Variants in ASIC2 observed in about 807,000 individuals in gnomAD.
ASIC2 encodes acid sensing ion channel subunit 2.
A neutral mutation model predicts 57.3 loss-of-function variants in ASIC2; 25 were observed. The ratio of observed to expected loss-of-function variants is 0.44; its 90% CI spans 0.32 to 0.61. The LOEUF (loss-of-function observed/expected upper bound fraction) is 0.61. Among genes scored for constraint, ASIC2 ranks in the 20% least tolerant of loss-of-function variants. The pLI, the probability that ASIC2 is intolerant of heterozygous loss-of-function variation, is 0.06. For synonymous variants in ASIC2, 319 were observed against 307.5 expected (o/e 1.04, Z -0.39); for missense variants, 641 against 738.1 (o/e 0.87, Z 1.52).
In ASIC2 at chr17:33,206,341, T is replaced by A. The variant is rs114262091; in HGVS notation, c.708+85067A>T. On this transcript the variant is annotated intron_variant, in intron 1 of 9. Coordinates refer to ENST00000225823, the MANE Select transcript of ASIC2 (RefSeq NM_183377.2). ...GAAGGCCACCACTTGTTGGCTGCTCTGCATTCATGATCCTTTTCAGTCTTC... is the reference window on the plus strand; with the variant it reads ...GAAGGCCACCACTTGTTGGCTGCTCAGCATTCATGATCCTTTTCAGTCTTC... 9.9e-3 allele frequency among the ~76,000 whole-genome samples: 1,503 copies of A among 152,264 alleles called. 24 individuals are homozygous for A. Among genetic ancestry groups the A allele is most frequent in the African/African-American group, 0.034 (1,426 of 41,550 alleles).
chr17:33,125,058 A>G (rs1476907083), intron 1 of ASIC2, among the ~76,000 whole-genome samples: 1 of 152,186 alleles, frequency 6.6e-6, no homozygotes, highest in African/African-American at 2.4e-5. Flanking sequence ...GTAAACACAG[A>G]TGAAGCTTGG....
intron 3 of ASIC2, among the ~76,000 whole-genome samples, chr17:33,045,786 C>G (rs2091951946): frequency 6.6e-6 from 1 of 152,182 alleles, no homozygotes; most frequent in South Asian, 2.1e-4. Flanking sequence ...TCCCCACACG[C>G]CTTCTCCTCC....
chr17:33,019,131 G>A (rs2091823161), intron 7 of ASIC2, among the ~76,000 whole-genome samples: 1 of 152,184 alleles, frequency 6.6e-6, no homozygotes, highest in African/African-American at 2.4e-5. Flanking sequence ...GTCGGGGGAG[G>A]TGTGTGATGT....
At chr17:33,457,740 C>G (rs532226061) in intron 1 of ASIC2, among the ~76,000 whole-genome samples, 1 of 152,284 alleles carries the variant, frequency 6.6e-6, no homozygotes, top group Admixed American at 6.5e-5. Flanking sequence ...CAGGTGCTGG[C>G]CAAGGGCTTT....
intron 1 of ASIC2, among the ~76,000 whole-genome samples, chr17:33,142,982 C>T (rs1239679364): frequency 6.6e-6 from 1 of 152,130 alleles, no homozygotes; most frequent in African/African-American, 2.4e-5. Flanking sequence ...CTACCTTCTT[C>T]CACATATAAA....
At chr17:33,121,646 T>C (rs2092302644) in intron 1 of ASIC2, among the ~76,000 whole-genome samples, 1 of 152,174 alleles carries the variant, frequency 6.6e-6, no homozygotes, top group Admixed American at 6.5e-5. Flanking sequence ...TCCAGCTGTC[T>C]TCCACACTGG....
intron 2 of ASIC2, among the ~76,000 whole-genome samples, chr17:33,091,662 G>A (rs986279825): frequency 3.3e-5 from 5 of 152,226 alleles, no homozygotes; most frequent in African/African-American, 1.2e-4. Flanking sequence ...TGGAAGAGGT[G>A]CTAGCTTATT....
rs562026025 is a variant in ASIC2, at chr17:33,520,727, A to T, written c.556-408660T>A. Among the ~76,000 whole-genome samples, 13 of 152,282 alleles carry T rather than the reference A, an allele frequency of 8.5e-5. No individual in the cohort carries two copies. In the East Asian group the frequency reaches 2.1e-3, roughly 25 times the overall value. On this transcript the variant is annotated intron_variant, in intron 1 of 9. Transcript: ENST00000359872. ...GAGCGGCCCCAAAGCTTAAAACTTT[A>T]TTTGCTTCACAGCAAATGTATCCCT...
At chr17:33,636,933 A>G (rs966945655) in intron 1 of ASIC2, among the ~76,000 whole-genome samples, 1 of 152,024 alleles carries the variant, frequency 6.6e-6, no homozygotes, top group East Asian at 1.9e-4. Context: ...TTTGAAAGAG[A>G]AAAAAGGGGA....
At chr17:33,731,976 A>G (rs971754208) in intron 1 of ASIC2, among the ~76,000 whole-genome samples, 2 of 152,168 alleles carry the variant, frequency 1.3e-5, no homozygotes, top group Admixed American at 6.5e-5. Context: ...AAATCAAAGA[A>G]AAAAATGATG....
chr17:34,062,970 C>T (rs1909026804), intron 1 of ASIC2, among the ~76,000 whole-genome samples: 2 of 152,056 alleles, frequency 1.3e-5, no homozygotes, highest in African/African-American at 4.8e-5. Flanking sequence ...ATCCTTTTGA[C>T]ACTATTCCAC....
chr17:33,310,618 C>CTGTGCAAGGGTT (rs1404254817), intron 1 of ASIC2, among the ~76,000 whole-genome samples: 1 of 152,168 alleles, frequency 6.6e-6, no homozygotes, highest in African/African-American at 2.4e-5. Context: ...TGGACACTGA[C>CTGTGCAAGGGTT]TGTGCAAGGG....
chr17:33,272,968 C>T (rs1490894425), intron 1 of ASIC2, among the ~76,000 whole-genome samples: 1 of 152,214 alleles, frequency 6.6e-6, no homozygotes, highest in Non-Finnish European at 1.5e-5. Context: ...CCACGCCAGC[C>T]TCCTTTTCCA....
chr17:33,794,148 C>G (rs1205169356), intron 1 of ASIC2: 3 of 152,174 alleles, frequency 2.0e-5, no homozygotes, highest in African/African-American at 7.2e-5. Flanking sequence ...CCCCAATTTG[C>G]AGGACAAAAG....
intron 1 of ASIC2, among the ~76,000 whole-genome samples, chr17:33,925,823 A>C (rs1201323107): frequency 6.6e-6 from 1 of 151,860 alleles, no homozygotes; most frequent in East Asian, 1.9e-4. Flanking sequence ...CCCCTTTTCC[A>C]CCCTGCTCTA....
intron 1 of ASIC2, among the ~76,000 whole-genome samples, chr17:33,357,037 G>GAAT (rs1597697138): frequency 6.6e-6 from 1 of 151,838 alleles, no homozygotes; most frequent in African/African-American, 2.4e-5. Flanking sequence ...TCCCCTGGAG[G>GAAT]TAGAGCCCAG....
chr17:33,414,145 G>C (rs1229201976), intron 1 of ASIC2, among the ~76,000 whole-genome samples: 2 of 152,126 alleles, frequency 1.3e-5, no homozygotes, highest in Non-Finnish European at 2.9e-5. Flanking sequence ...ACCAACACAA[G>C]GAAGGTACAC....
chr17:33,656,620 T>A (rs1907084331), intron 1 of ASIC2, among the ~76,000 whole-genome samples: 1 of 152,126 alleles, frequency 6.6e-6, no homozygotes, highest in Non-Finnish European at 1.5e-5. Flanking sequence ...CTCTATTCCT[T>A]CTTCAAGTCT....
At chr17:33,298,279 C>G (rs1017781083), upstream of ASIC2, among the ~76,000 whole-genome samples, 1 of 151,940 alleles carries the variant, frequency 6.6e-6, no homozygotes, top group Non-Finnish European at 1.5e-5. Context: ...CCCCACCCCA[C>G]GACAAGCCCT....
Sources: allele counts gnomAD v4.1 joint callset (sites outside exome capture counted in the v4.1 genomes callset), GRCh38; gene constraint gnomAD v4.1.1; transcripts MANE v1.5; gene names NCBI Gene and HGNC (gene_info 2026-07-23, HGNC 2026-07-21).